The following CLNK variants were observed in gnomAD, a reference collection of about 807,000 sequenced individuals.
The protein encoded by CLNK is cytokine-dependent hematopoietic cell linker.
CLNK carries 74 observed loss-of-function variants against 68.6 expected under a neutral mutation model. The observed-to-expected ratio is 1.08, with a 90% CI of 0.89 to 1.31. The LOEUF (loss-of-function observed/expected upper bound fraction) is 1.31, where lower values mean the gene tolerates loss of function less well. Among genes scored for constraint, CLNK ranks in the 50% most tolerant of loss-of-function variants. The pLI is 0.00. For missense variants in CLNK, 553 were observed against 515.3 expected (o/e 1.07, Z -0.71); for synonymous variants, 198 against 172.2 (o/e 1.15, Z -1.17).
Position 10,489,823 on chromosome 4 carries a change from C to A in CLNK, c.*644G>T, listed in dbSNP as rs1018485716. ...CTGGGACTACAGGCACCCACCACCA[C>A]GCCCAGCTGATTTTTTGTATTTTTA... On this transcript the variant is annotated 3_prime_UTR_variant, in exon 19 of 19. Transcript: ENST00000226951. 1 of 148,732 alleles carries A rather than the reference C, an allele frequency of 6.7e-6. No individual in the cohort carries two copies. The highest frequency in any genetic ancestry group is 6.8e-5 in the Admixed American group (1 of 14,736). The allele number at this position is 148,732 out of a possible 1,614,324, so 9.2% of individuals were successfully genotyped here. A position where few individuals can be genotyped will look rare whatever the true frequency, so the allele number is the denominator to read the frequency against.
intron 1 of CLNK, among the ~76,000 whole-genome samples, chr4:10,683,787 T>A (rs1725174027): frequency 6.6e-6 from 1 of 152,154 alleles, no homozygotes; most frequent in Non-Finnish European, 1.5e-5. Flanking sequence ...AAATGATTAT[T>A]CCTGGTGGTT....
chr4:10,584,144 T>C (rs1326770032), intron 4 of CLNK, among the ~76,000 whole-genome samples: 13 of 152,356 alleles, frequency 8.5e-5, no homozygotes, highest in Non-Finnish European at 1.8e-4. Context: ...TCTCCCTGTG[T>C]GAACTCGTAT....
chr4:10,506,504 C>T (rs1219980376), intron 17 of CLNK, among the ~76,000 whole-genome samples: 2 of 152,176 alleles, frequency 1.3e-5, no homozygotes, highest in Non-Finnish European at 2.9e-5. Flanking sequence ...CATATCCTGA[C>T]TATTGCAGCC....
the CLNK span, among the ~76,000 whole-genome samples, chr4:10,720,979 T>A: frequency 1.3e-5 from 2 of 152,116 alleles, no homozygotes; most frequent in Admixed American, 6.5e-5. Context: ...CACATACTAC[T>A]CAACAATACA....
intron 17 of CLNK, among the ~76,000 whole-genome samples, chr4:10,506,707 A>G (rs1717308545): frequency 6.6e-6 from 1 of 152,208 alleles, no homozygotes; most frequent in Non-Finnish European, 1.5e-5. Flanking sequence ...TCATTTTACA[A>G]ATAAATAAAT....
intron 2 of CLNK, among the ~76,000 whole-genome samples, chr4:10,628,071 C>T (rs1009163373): frequency 2.0e-5 from 3 of 152,246 alleles, no homozygotes; most frequent in African/African-American, 7.2e-5. Flanking sequence ...GTGTAACCCT[C>T]TTGGCCTCCT....
intron 11 of CLNK, among the ~76,000 whole-genome samples, chr4:10,536,151 AG>A (rs1011516606): frequency 6.6e-6 from 1 of 152,214 alleles, no homozygotes; most frequent in Non-Finnish European, 1.5e-5. Flanking sequence ...CCACTGCAAA[AG>A]GCTGCAGCTG....
chr4:10,667,864 G>T lies in CLNK; in HGVS notation c.6C>A (p.Asn2Lys). Residue 2 changes from asparagine (N) to lysine (K), a missense_variant, in exon 2 of 19, where the codon AAC (asparagine) becomes AAA (lysine). Asn to Lys is a moderately conservative substitution (Grantham distance 94). Transcript: ENST00000226951. ...AGTGATCCCACGGTACTTACTGCCT[G>T]TTCATAGTTCTTGGCACCTGGCGGG... is the stretch of plus-strand genomic sequence containing the variant. The part of the protein sequence containing the change: M[N>K]RQGNRKTTKE... 7.7e-7 allele frequency: 1 copy of T among 1,303,868 alleles called. No individual in the cohort carries two copies. The highest frequency in any genetic ancestry group is 9.9e-7 in the Non-Finnish European group (1 of 1,008,124). The allele number at this position is 1,303,868 out of a possible 1,614,324, so 80.8% of individuals were successfully genotyped here. A position where few individuals can be genotyped will look rare whatever the true frequency, so the allele number is the denominator to read the frequency against.
chr4:10,612,174 C>T (rs61794851), intron 2 of CLNK, among the ~76,000 whole-genome samples: 6,373 of 152,152 alleles, frequency 0.042, 190 homozygotes, highest in Middle Eastern at 0.099. Context: ...CATCTCTCAG[C>T]GAAAAAAATG....
chr4:10,644,388 G>A lies in CLNK; in HGVS notation c.11+23471C>T, dbSNP rs149417304. 5.3e-5 allele frequency among the ~76,000 whole-genome samples: 8 copies of A among 152,332 alleles called. No individual in the cohort carries two copies. In the South Asian group the frequency reaches 8.3e-4, roughly 16 times the overall value. ...TTGGTTCTCTCCTACCACATTCCAT[G>A]TATGGACTTGGTTAAACCTCACAAC... On this transcript the variant is annotated intron_variant, in intron 2 of 18. Coordinates refer to ENST00000226951, the MANE Select transcript of CLNK (RefSeq NM_052964.4).
At chr4:10,611,146 C>G (rs111505292) in intron 2 of CLNK, among the ~76,000 whole-genome samples, 1 of 151,992 alleles carries the variant, frequency 6.6e-6, no homozygotes, top group Non-Finnish European at 1.5e-5. Flanking sequence ...GGTGAAACCC[C>G]GTCTCTACTA....
intron 17 of CLNK, among the ~76,000 whole-genome samples, chr4:10,507,045 G>A (rs899131345): frequency 2.6e-5 from 4 of 151,760 alleles, no homozygotes; most frequent in Non-Finnish European, 4.4e-5. Context: ...GACCTCGTGA[G>A]CCGCCTGCCT....
chr4:10,717,016 C>T, the CLNK span, among the ~76,000 whole-genome samples: 1 of 132,766 alleles, frequency 7.5e-6, no homozygotes, highest in Non-Finnish European at 1.7e-5. Context: ...AGCCAAACGC[C>T]ACAGAAAAAA....
chr4:10,694,676 C>A, the CLNK span, among the ~76,000 whole-genome samples: 74 of 152,190 alleles, frequency 4.9e-4, no homozygotes, highest in Non-Finnish European at 7.5e-4. Context: ...AATCACCTAA[C>A]GATGCATTTC....
At position 10,502,282 on chromosome 4, in the gene CLNK, A is replaced by T. The variant is rs141329935; in HGVS notation, c.985-871T>A. On this transcript the variant is annotated intron_variant, in intron 17 of 18. Transcript: ENST00000226951. ...GAAGGCGAAGGGGAAGCAAGCTTGG[A>T]CCTTCTCACATGGCAGCAGGAGAGA... 3.2e-3 allele frequency among the ~76,000 whole-genome samples: 491 copies of T among 152,308 alleles called. 1 individual carries two copies. Among genetic ancestry groups the T allele is most frequent in the African/African-American group, 0.011 (472 of 41,578 alleles).
At chr4:10,686,556 G>C (rs541569290), upstream of CLNK, among the ~76,000 whole-genome samples, 22 of 151,122 alleles carry the variant, frequency 1.5e-4, no homozygotes, top group South Asian at 4.2e-3. Context: ...GTACACGGTG[G>C]GTTTGGGGCA....
At chr4:10,514,267 A>C (rs1417513412) in intron 15 of CLNK, among the ~76,000 whole-genome samples, 1 of 149,452 alleles carries the variant, frequency 6.7e-6, no homozygotes, top group African/African-American at 2.5e-5. Context: ...ATTGTTGGAC[A>C]TTTGGGTTGG....
chr4:10,702,069 C>T, the CLNK span, among the ~76,000 whole-genome samples: 2 of 152,192 alleles, frequency 1.3e-5, no homozygotes, highest in South Asian at 4.1e-4. Context: ...TACCATGCTC[C>T]TTGCATGTAA....
chr4:10,508,323 A>G lies in CLNK; in HGVS notation c.907-287T>C, dbSNP rs1717402874. The stretch of plus-strand genomic sequence containing the variant: ...AGAATGGATAATAAGCCTGCTATCT[A>G]TCAGTGCTTTCTGAATCTTCAGCTG... On this transcript the variant is annotated intron_variant, in intron 16 of 18. Coordinates refer to ENST00000226951, the MANE Select transcript of CLNK (RefSeq NM_052964.4). 3.3e-5 allele frequency among the ~76,000 whole-genome samples: 5 copies of G among 152,164 alleles called. No homozygotes were observed. The South Asian group carries it at 6.2e-4, about 19-fold the overall frequency.
Sources: allele counts gnomAD v4.1 joint callset (sites outside exome capture counted in the v4.1 genomes callset), GRCh38; gene constraint gnomAD v4.1.1; transcripts MANE v1.5; gene names NCBI Gene and HGNC (gene_info 2026-07-23, HGNC 2026-07-21).